Variants in SPTBN1 observed in about 807,000 individuals in gnomAD.
The protein encoded by SPTBN1 is spectrin beta, non-erythrocytic 1.
In SPTBN1, 32 loss-of-function variants were observed where a neutral mutation model predicts 266.4. The observed-to-expected ratio is 0.12, with a 90% CI of 0.09 to 0.16. SPTBN1 has a LOEUF of 0.16. Ranked by LOEUF, SPTBN1 falls within the 10% of genes least tolerant of loss-of-function variation. The probability of loss-of-function intolerance (pLI) is 1.00; values close to 1 mark genes in which losing one functional copy is unlikely to be tolerated. For synonymous variants in SPTBN1, 1,336 were observed against 1,162.2 expected (o/e 1.15, Z -3.04); for missense variants, 2,296 against 3,067.1 (o/e 0.75, Z 5.94).
chr2:54,510,348 C>T (rs188274205), intron 1 of SPTBN1, among the ~76,000 whole-genome samples: 9 of 152,252 alleles, frequency 5.9e-5, no homozygotes, highest in South Asian at 2.1e-4. Context: ...GCTCTGTCTC[C>T]GAATACAATC....
At chr2:54,634,508 A>G (rs1678979645) in intron 17 of SPTBN1, among the ~76,000 whole-genome samples, 1 of 152,194 alleles carries the variant, frequency 6.6e-6, no homozygotes. Flanking sequence ...CAGGAGAACT[A>G]CATTTTCTTA....
intron 1 of SPTBN1, among the ~76,000 whole-genome samples, chr2:54,466,135 C>T (rs147570385): frequency 3.6e-3 from 550 of 152,228 alleles, no homozygotes; most frequent in Middle Eastern, 0.01. Flanking sequence ...ATTTTAATAT[C>T]TCTGCTCTAG....
At chr2:54,468,962 G>T (rs1406270632) in intron 1 of SPTBN1, among the ~76,000 whole-genome samples, 2 of 152,184 alleles carry the variant, frequency 1.3e-5, no homozygotes, top group Non-Finnish European at 2.9e-5. Context: ...TTACTGGGCT[G>T]GGTTTGGTTG....
intron 17 of SPTBN1, among the ~76,000 whole-genome samples, chr2:54,633,056 G>A (rs1415967310): frequency 3.9e-5 from 6 of 152,154 alleles, no homozygotes; most frequent in East Asian, 1.9e-4. Flanking sequence ...GCTGCATCGC[G>A]ATCAGGTGTA....
intron 2 of SPTBN1, among the ~76,000 whole-genome samples, chr2:54,547,643 G>C (rs1459766738): frequency 6.6e-6 from 1 of 152,100 alleles, no homozygotes; most frequent in Non-Finnish European, 1.5e-5. Context: ...TTCAAAATAC[G>C]ATATAATGGA....
At chr2:54,594,445 A>T (rs1675911193) in intron 2 of SPTBN1, among the ~76,000 whole-genome samples, 1 of 152,186 alleles carries the variant, frequency 6.6e-6, no homozygotes, top group African/African-American at 2.4e-5. Flanking sequence ...GTATACAGGA[A>T]GATGTATGTT....
At chr2:54,650,967 A>T (rs1490459123) in intron 26 of SPTBN1, among the ~76,000 whole-genome samples, 1 of 152,176 alleles carries the variant, frequency 6.6e-6, no homozygotes, top group Non-Finnish European at 1.5e-5. Flanking sequence ...CTTCCCCTTA[A>T]TTCTTAATTC....
In SPTBN1 at chr2:54,558,252, T is replaced by G; in HGVS notation, c.148+31686T>G. On this transcript the variant is annotated intron_variant, in intron 2 of 35. Coordinates refer to ENST00000356805, the MANE Select transcript of SPTBN1 (RefSeq NM_003128.3). The surrounding 1 kb of genome is among the most constrained non-coding windows in gnomAD (Gnocchi z 4.6). ...GTAGGGGGTCGCGGGCCGGCTAGGC[T>G]CCCCCGCGCCCCTCCTCGTGGTATA... 1.0e-6 allele frequency: 1 copy of G among 984,772 alleles called. No individual in the cohort carries two copies. Among genetic ancestry groups the G allele is most frequent in the Non-Finnish European group, 1.2e-6 (1 of 829,788 alleles). 61.0% of individuals were successfully genotyped at this position (984,772 alleles called of 1,614,324 possible).
chr2:54,459,220 G>C (rs1693232013), intron 1 of SPTBN1, among the ~76,000 whole-genome samples: 1 of 152,218 alleles, frequency 6.6e-6, no homozygotes, highest in Non-Finnish European at 1.5e-5. Context: ...TCTGAGAGGA[G>C]AAGTATTGGG....
At chr2:54,511,813 G>A (rs1246868929) in intron 1 of SPTBN1, among the ~76,000 whole-genome samples, 2 of 152,118 alleles carry the variant, frequency 1.3e-5, no homozygotes, top group East Asian at 3.8e-4. Flanking sequence ...GGAGGTTGCA[G>A]TGAGCCAAGA....
In SPTBN1 at chr2:54,647,276, A is replaced by C. The variant is rs1165701448; in HGVS notation, c.4997+15A>C. The C allele has an allele frequency of 6.2e-7, 1 of 1,613,140 alleles. No individual in the cohort carries two copies. The highest frequency in any genetic ancestry group is 1.3e-5 in the African/African-American group (1 of 74,918). On this transcript the variant is annotated intron_variant, in intron 24 of 35. Coordinates refer to ENST00000356805, the MANE Select transcript of SPTBN1 (RefSeq NM_003128.3). ...CATCCTGAAAGGTGAGCGCTGCTTCATGAGTGTGAGACCCGGCTCTCGATT... is the reference window on the plus strand; with the variant it reads ...CATCCTGAAAGGTGAGCGCTGCTTCCTGAGTGTGAGACCCGGCTCTCGATT...
chr2:54,533,302 T>C lies in SPTBN1; in HGVS notation c.148+6736T>C, dbSNP rs115604928. Among the ~76,000 whole-genome samples, 857 of 151,830 alleles carry C rather than the reference T, an allele frequency of 5.6e-3. 11 individuals are homozygous for C. Among genetic ancestry groups the C allele is most frequent in the African/African-American group, 0.02 (825 of 41,390 alleles). On this transcript the variant is annotated intron_variant, in intron 2 of 35. Coordinates refer to ENST00000356805, the MANE Select transcript of SPTBN1 (RefSeq NM_003128.3). The surrounding 1 kb of genome is among the most constrained non-coding windows in gnomAD (Gnocchi z 4.2). ...TTCATATTTCCAGACCATGGTTGAC[T>C]GAAGGTAACTGAACCATGGAAAGTG...
chr2:54,525,235 A>T (rs1670730911), intron 1 of SPTBN1, among the ~76,000 whole-genome samples: 1 of 152,142 alleles, frequency 6.6e-6, no homozygotes, highest in Admixed American at 6.5e-5. Flanking sequence ...CTTGGTTGCC[A>T]TACACTTACA....
chr2:54,635,550 A>G (rs1010940448), intron 17 of SPTBN1, among the ~76,000 whole-genome samples: 2 of 152,266 alleles, frequency 1.3e-5, no homozygotes, highest in African/African-American at 2.4e-5. Context: ...TATAAGAAAT[A>G]CATTCAGGAT....
chr2:54,470,838 A>G (rs1693883522), intron 1 of SPTBN1, among the ~76,000 whole-genome samples: 1 of 152,166 alleles, frequency 6.6e-6, no homozygotes, highest in Admixed American at 6.6e-5. Flanking sequence ...CGCAGAGTTA[A>G]TGGGGCTCAT....
intron 32 of SPTBN1, chr2:54,660,243 C>G (rs1308469293): frequency 2.9e-6 from 4 of 1,376,110 alleles, no homozygotes; most frequent in Non-Finnish European, 3.8e-6. Flanking sequence ...AGTCTCTTAA[C>G]TGATGGATGC....
Position 54,668,598 on chromosome 2 carries a change from C to T in SPTBN1, c.*29C>T. ...CCTTTCCTTCACCTCCTGCCCTTCT[C>T]TTACCTTTTCAGTGAAATTCCAGCA... On this transcript the variant is annotated 3_prime_UTR_variant, in exon 36 of 36. Coordinates refer to ENST00000356805, the MANE Select transcript of SPTBN1 (RefSeq NM_003128.3). The T allele has an allele frequency of 1.3e-6, 2 of 1,569,676 alleles. No homozygotes were observed. The highest frequency in any genetic ancestry group is 2.4e-5 in the East Asian group (1 of 42,182).
At chr2:54,593,670 T>G (rs1675835001) in intron 2 of SPTBN1, among the ~76,000 whole-genome samples, 1 of 151,918 alleles carries the variant, frequency 6.6e-6, no homozygotes, top group African/African-American at 2.4e-5. Flanking sequence ...CAAGCCATAG[T>G]GGGCCACAGA....
In SPTBN1 at chr2:54,620,145, C is replaced by T. The variant is rs139666508; in HGVS notation, c.764-1255C>T. ...ACCTGCTTTGCGCAGGACAGCACAG[C>T]GGGAATGTGGTAGGTGGAGTGGCAT... On this transcript the variant is annotated intron_variant, in intron 7 of 35. Coordinates refer to ENST00000356805, the MANE Select transcript of SPTBN1 (RefSeq NM_003128.3). Among the ~76,000 whole-genome samples the T allele has an allele frequency of 3.3e-4, 51 of 152,304 alleles. No individual in the cohort carries two copies. In the East Asian group the frequency reaches 8.5e-3, roughly 25 times the overall value.
Sources: gnomAD v4.1 joint callset for allele counts (sites outside exome capture counted in the v4.1 genomes callset) on GRCh38, gnomAD v4.1.1 for gene constraint, Gnocchi (gnomAD v3.1) non-coding constraint, MANE v1.5 for transcripts, NCBI Gene and HGNC (gene_info 2026-07-23, HGNC 2026-07-21) for gene names.